Variants in DLGAP2 observed in about 807,000 individuals in gnomAD.
DLGAP2 encodes the protein disks large-associated protein 2.
A neutral mutation model predicts 100.3 loss-of-function variants in DLGAP2; 26 were observed. The observed-to-expected ratio is 0.26, with a 90% CI of 0.19 to 0.36. DLGAP2 has a LOEUF of 0.36. Ranked by LOEUF, DLGAP2 falls within the 10% of genes least tolerant of loss-of-function variation. The pLI is 1.00. For missense variants in DLGAP2, 1,858 were observed against 1,453.2 expected (o/e 1.28, Z -4.53); for synonymous variants, 886 against 630.1 (o/e 1.41, Z -6.08).
chr8:1,463,234 G>T (rs1275848414), intron 3 of DLGAP2, among the ~76,000 whole-genome samples: 3 of 152,328 alleles, frequency 2.0e-5, no homozygotes, highest in African/African-American at 7.2e-5. Context: ...GGGTGACAGG[G>T]CAAGAATCTG....
intron 1 of DLGAP2, among the ~76,000 whole-genome samples, chr8:858,030 C>T (rs547690001): frequency 2.6e-5 from 4 of 152,232 alleles, no homozygotes; most frequent in South Asian, 2.1e-4. Context: ...CCACCATGCC[C>T]GGCTAATTTT....
intron 6 of DLGAP2, among the ~76,000 whole-genome samples, chr8:1,615,128 G>C (rs150249104): frequency 1.6e-4 from 25 of 152,326 alleles, no homozygotes; most frequent in African/African-American, 6.0e-4. Flanking sequence ...GAGCCATGGA[G>C]GGAGACCCCA....
chr8:935,806 T>C (rs1196800611), intron 2 of DLGAP2, among the ~76,000 whole-genome samples: 1 of 152,236 alleles, frequency 6.6e-6, no homozygotes, highest in Non-Finnish European at 1.5e-5. Flanking sequence ...GAATTCCACA[T>C]AAACCTCTGG....
chr8:1,286,297 G>A (rs1424133711), intron 3 of DLGAP2, among the ~76,000 whole-genome samples: 2 of 152,208 alleles, frequency 1.3e-5, no homozygotes, highest in African/African-American at 2.4e-5. Flanking sequence ...AGCTCTTTGA[G>A]TCAATTAAAC....
At chr8:1,391,193 T>TG (rs1376252887) in intron 3 of DLGAP2, among the ~76,000 whole-genome samples, 2 of 151,636 alleles carry the variant, frequency 1.3e-5, no homozygotes, top group East Asian at 1.9e-4. Context: ...AACTCAGAAG[T>TG]TCCCATGGGG....
chr8:1,534,742 C>G (rs1298849351), intron 4 of DLGAP2, among the ~76,000 whole-genome samples: 2 of 151,786 alleles, frequency 1.3e-5, no homozygotes, highest in African/African-American at 4.8e-5. Flanking sequence ...AATCACAAGG[C>G]TGTGTGTGTT....
chr8:1,120,743 C>T (rs1025917435), intron 2 of DLGAP2, among the ~76,000 whole-genome samples: 10 of 152,080 alleles, frequency 6.6e-5, no homozygotes, highest in Admixed American at 5.9e-4. Context: ...AACCCATGAA[C>T]ACCCATCCTA....
intron 3 of DLGAP2, among the ~76,000 whole-genome samples, chr8:1,388,822 A>G (rs1429209301): frequency 6.1e-5 from 5 of 81,840 alleles, no homozygotes; most frequent in African/African-American, 1.0e-4. Flanking sequence ...GCCGTGGATG[A>G]GGAGGCGCTG....
intron 3 of DLGAP2, among the ~76,000 whole-genome samples, chr8:1,271,313 G>A (rs1414727026): frequency 6.6e-6 from 1 of 151,970 alleles, no homozygotes; most frequent in Non-Finnish European, 1.5e-5. Context: ...CAGCCGGGGG[G>A]GTGCGCCCAT....
At chr8:1,476,349 C>T (rs1798929803) in intron 3 of DLGAP2, among the ~76,000 whole-genome samples, 1 of 152,192 alleles carries the variant, frequency 6.6e-6, no homozygotes. Context: ...AATCCTGCAG[C>T]ACATTCTCGG....
At chr8:1,320,358 C>T (rs1444232954) in intron 3 of DLGAP2, among the ~76,000 whole-genome samples, 2 of 152,028 alleles carry the variant, frequency 1.3e-5, no homozygotes, top group Non-Finnish European at 2.9e-5. Flanking sequence ...GGAACCGTAG[C>T]GTCGCATCCT....
rs148964620 is a variant in DLGAP2 at position 1,173,777 on chromosome 8, C to T, written c.74-85074C>T. Among the ~76,000 whole-genome samples, 81 of 152,248 alleles carry T rather than the reference C, an allele frequency of 5.3e-4. 1 individual carries two copies. The highest frequency in any genetic ancestry group is 1.5e-3 in the African/African-American group (63 of 41,544). On this transcript the variant is annotated intron_variant, in intron 2 of 14. Transcript: ENST00000637795. ...AGGAGTGACCCGATTTTCCAGGTGC[C>T]GTCTGTCACCCCTTTCTTTGACTAG... is the stretch of plus-strand genomic sequence containing the variant.
At position 1,703,062 on chromosome 8, in the gene DLGAP2, C is replaced by T. The variant is rs897734541; in HGVS notation, c.*1656C>T. ...GCCCCCAGCGCGCCCTCCAGAGCTG[C>T]GGTGTCTCCCTGCCTCATTCCCCAC... On this transcript the variant is annotated 3_prime_UTR_variant, in exon 15 of 15. Transcript: ENST00000637795. The T allele has an allele frequency of 3.9e-5, 6 of 152,692 alleles. No homozygotes were observed. Among genetic ancestry groups the T allele is most frequent in the East Asian group, 1.9e-4 (1 of 5,196 alleles). The allele number at this position is 152,692 out of a possible 1,614,324, so 9.5% of individuals were successfully genotyped here.
chr8:822,281 C>G, intron 1 of DLGAP2: 1 of 399,250 alleles, frequency 2.5e-6, no homozygotes, highest in Non-Finnish European at 4.4e-6. Context: ...GTGATGGGTG[C>G]TCCACCCGGG....
At chr8:903,478 T>G (rs901031352) in intron 1 of DLGAP2, among the ~76,000 whole-genome samples, 3 of 152,108 alleles carry the variant, frequency 2.0e-5, no homozygotes, top group African/African-American at 4.8e-5. Flanking sequence ...CTATGGCTTG[T>G]GTAGAGCTAG....
At chr8:1,118,538 G>T (rs1456718831) in intron 2 of DLGAP2, among the ~76,000 whole-genome samples, 1 of 152,058 alleles carries the variant, frequency 6.6e-6, no homozygotes, top group Admixed American at 6.6e-5. Context: ...TGTGCGAATA[G>T]AAATGAATGG....
chr8:1,260,315 G>A (rs192147299), intron 3 of DLGAP2, among the ~76,000 whole-genome samples: 6 of 151,932 alleles, frequency 3.9e-5, no homozygotes, highest in Non-Finnish European at 7.4e-5. Context: ...ACCCCTCACC[G>A]AGAGTTTTCA....
At chr8:784,858 A>C (rs1400943961) in intron 1 of DLGAP2, among the ~76,000 whole-genome samples, 1 of 152,114 alleles carries the variant, frequency 6.6e-6, no homozygotes, top group Non-Finnish European at 1.5e-5. Flanking sequence ...CTAGTTTGTA[A>C]ACTTGACCTC....
chr8:1,151,731 C>T (rs573912548), intron 2 of DLGAP2, among the ~76,000 whole-genome samples: 28 of 152,342 alleles, frequency 1.8e-4, no homozygotes, highest in African/African-American at 6.3e-4. Context: ...CAGGTGGCGT[C>T]GTCTCATCTT....
Sources: gnomAD v4.1 joint callset for allele counts (sites outside exome capture counted in the v4.1 genomes callset) on GRCh38, gnomAD v4.1.1 for gene constraint, MANE v1.5 for transcripts, NCBI Gene and HGNC (gene_info 2026-07-23, HGNC 2026-07-21) for gene names.